The following CAPS2 variants were observed in gnomAD, a reference collection of about 807,000 sequenced individuals.
CAPS2 encodes calcyphosine 2.
Under a neutral mutation model 86.5 loss-of-function variants are expected in CAPS2, and 98 were observed. That is an observed-to-expected ratio of 1.13 (90% CI 0.96 to 1.34). The LOEUF is 1.34. Ranked by LOEUF, CAPS2 falls within the 40% of genes most tolerant of loss-of-function variation. The pLI, the probability that CAPS2 is intolerant of heterozygous loss-of-function variation, is 0.00. For synonymous variants in CAPS2, 210 were observed against 225.1 expected (o/e 0.93, Z 0.60); for missense variants, 729 against 686.8 (o/e 1.06, Z -0.69).
At chr12:75,326,394 G>T in intron 1 of CAPS2, 24 bp downstream of exon 2, 1 of 963,974 alleles carries the variant, frequency 1.0e-6, no homozygotes, top group Non-Finnish European at 1.6e-6. Context: ...CCTGAAAGAA[G>T]AAAATTATAT....
At chr12:75,298,538 C>A in intron 11 of CAPS2, 149 bp downstream of exon 11, 1 of 552,710 alleles carries the variant, frequency 1.8e-6, no homozygotes, top group South Asian at 3.1e-5. Flanking sequence ...CCTGGCAAAA[C>A]ATCAACCATT....
chr12:75,342,838 A>G (rs138264412), intron 1 of CAPS2, among the ~76,000 whole-genome samples: 1 of 152,196 alleles, frequency 6.6e-6, no homozygotes, highest in Admixed American at 6.5e-5. Flanking sequence ...AGTCTTTTAC[A>G]ACTTCTTTCA....
chr12:75,280,360 C>T (rs529438029), intron 16 of CAPS2, among the ~76,000 whole-genome samples: 3 of 151,720 alleles, frequency 2.0e-5, no homozygotes, highest in African/African-American at 7.2e-5. Context: ...AATACAGTGA[C>T]AAGTTTTCTT....
intron 1 of CAPS2, among the ~76,000 whole-genome samples, chr12:75,340,616 T>TA (rs2042037145): frequency 6.6e-6 from 1 of 151,654 alleles, no homozygotes; most frequent in Admixed American, 6.6e-5. Context: ...TTCTACTTTC[T>TA]AAAGTACCCT....
chr12:75,352,054 T>C (rs10879903), intron 1 of CAPS2, among the ~76,000 whole-genome samples: 71,256 of 152,050 alleles, frequency 0.47, 16,764 homozygotes, highest in East Asian at 0.5. Flanking sequence ...ACAAAAAACA[T>C]GCTGAAGTAC....
In CAPS2 at chr12:75,285,137, A is replaced by G; in HGVS notation, c.1396-57T>C. On this transcript the variant is annotated intron_variant, in intron 14 of 16. Transcript: ENST00000393284. Reference sequence around the variant, plus strand: ...TTAAGTTACATATCGTCACAACAAAATCATCTTAGTTGTATTTTGTTACAT... The same window carrying G: ...TTAAGTTACATATCGTCACAACAAAGTCATCTTAGTTGTATTTTGTTACAT... 4 of 1,546,412 alleles carry G rather than the reference A, an allele frequency of 2.6e-6. No homozygotes were observed. The South Asian group carries it at 3.6e-5, about 14-fold the overall frequency.
chr12:75,325,704 T>C (rs1036762252), intron 1 of CAPS2, among the ~76,000 whole-genome samples: 1 of 151,654 alleles, frequency 6.6e-6, no homozygotes, highest in African/African-American at 2.4e-5. Flanking sequence ...GTTAGCTAGA[T>C]GAAAAGAGAA....
intron 14 of CAPS2, among the ~76,000 whole-genome samples, chr12:75,288,536 C>T (rs1438802160): frequency 6.6e-6 from 1 of 152,196 alleles, no homozygotes; most frequent in African/African-American, 2.4e-5. Context: ...ACAAAATACA[C>T]ATCTTGTGAC....
upstream of CAPS2, chr12:75,334,862 G>A (rs1165199750): frequency 3.7e-6 from 6 of 1,614,002 alleles, no homozygotes; most frequent in Admixed American, 1.0e-4. Flanking sequence ...AACGAATGGC[G>A]TGGCAAAGTC....
chr12:75,324,334 T>C (rs1320769455), intron 2 of CAPS2, among the ~76,000 whole-genome samples: 2 of 152,244 alleles, frequency 1.3e-5, no homozygotes, highest in Admixed American at 1.3e-4. Flanking sequence ...AGAGAGACTA[T>C]GTATTTGATT....
Position 75,354,578 on chromosome 12 carries a change from T to C in CAPS2, c.-394-31356A>G, listed in dbSNP as rs138511443. Among the ~76,000 whole-genome samples, 358 of 152,320 alleles carry C rather than the reference T, an allele frequency of 2.4e-3. 1 individual carries two copies. Among genetic ancestry groups the C allele is most frequent in the African/African-American group, 7.9e-3 (328 of 41,572 alleles). ...TGCCCAAAGTAATTTACAGATTCAATGCTATTCCCATTAAACTCATTGACA... is the reference window on the plus strand; with the variant it reads ...TGCCCAAAGTAATTTACAGATTCAACGCTATTCCCATTAAACTCATTGACA... On this transcript the variant is annotated intron_variant, in intron 1 of 5. Coordinates refer to the CAPS2 transcript ENST00000551829.
exon 17 of CAPS2, chr12:75,278,781 GAATAA>G: frequency 7.5e-7 from 1 of 1,340,864 alleles, no homozygotes; most frequent in Non-Finnish European, 9.5e-7. Flanking sequence ...CAAGAAACCA[GAATAA>G]AGGAAGTCCT....
At chr12:75,329,702 C>G, upstream of CAPS2, 2 of 609,768 alleles carry the variant, frequency 3.3e-6, no homozygotes, top group Non-Finnish European at 5.3e-6. Context: ...CTATGTTGAT[C>G]CCAGACGACT....
chr12:75,277,081 C>CA (rs572297612), downstream of CAPS2: 626 of 983,234 alleles, frequency 6.4e-4, 2 homozygotes, highest in African/African-American at 9.9e-3. Flanking sequence ...CAAAATACAC[C>CA]AAAAAAAATC....
intron 1 of CAPS2, chr12:75,366,845 C>T: frequency 1.4e-6 from 1 of 700,340 alleles, no homozygotes; most frequent in Non-Finnish European, 2.6e-6. Flanking sequence ...GCTCTATATG[C>T]ATTTCTTGAA....
chr12:75,282,675 C>T (rs1197871129), intron 15 of CAPS2, among the ~76,000 whole-genome samples: 1 of 152,176 alleles, frequency 6.6e-6, no homozygotes, highest in East Asian at 1.9e-4. Context: ...GCATGAGCCA[C>T]CACGTCCGGC....
intron 8 of CAPS2, among the ~76,000 whole-genome samples, chr12:75,303,168 CAAT>C (rs1285981205): frequency 7.9e-5 from 12 of 151,994 alleles, no homozygotes; most frequent in African/African-American, 2.4e-4. Context: ...TACTATACAA[CAAT>C]GAGAATAAAA....
At chr12:75,278,653 C>A in exon 17 of CAPS2, 1 of 1,185,220 alleles carries the variant, frequency 8.4e-7, no homozygotes, top group Admixed American at 4.4e-5. Context: ...AATGTAAGGA[C>A]ATGTGAACAG....
At chr12:75,280,542 A>C (rs1593170979) in intron 16 of CAPS2, among the ~76,000 whole-genome samples, 2 of 151,842 alleles carry the variant, frequency 1.3e-5, no homozygotes, top group South Asian at 4.1e-4. Context: ...CCTAAATAAT[A>C]TTATTAGATG....
Sources: gnomAD v4.1 joint callset for allele counts (sites outside exome capture counted in the v4.1 genomes callset) on GRCh38, gnomAD v4.1.1 for gene constraint, MANE v1.5 for transcripts, NCBI Gene and HGNC (gene_info 2026-07-23, HGNC 2026-07-21) for gene names.